MCC: variants seen among roughly 807,000 people sequenced by gnomAD.
MCC encodes colorectal mutant cancer protein.
A neutral mutation model predicts 116.2 loss-of-function variants in MCC; 90 were observed. The ratio of observed to expected loss-of-function variants is 0.77; its 90% confidence interval spans 0.65 to 0.92. The LOEUF (loss-of-function observed/expected upper bound fraction) is 0.92, where lower values mean the gene tolerates loss of function less well. Ranked by LOEUF, MCC falls within the 40% of genes least tolerant of loss-of-function variation. The probability of loss-of-function intolerance (pLI) is 0.00; values close to 1 mark genes in which losing one functional copy is unlikely to be tolerated. For missense variants in MCC, 1,516 were observed against 1,312.2 expected, an observed-to-expected ratio of 1.16 and a Z score of -2.40; for synonymous variants, 578 against 510.5, an observed-to-expected ratio of 1.13 and a Z score of -1.78.
At chr5:113,049,362 G>A in intron 15 of MCC, 63 bp from the exon 16 acceptor site, 2 of 1,394,242 alleles carry the variant, frequency 1.4e-6, no homozygotes, top group South Asian at 2.9e-5. Flanking sequence ...CCTGGCTGCT[G>A]CCAAGTGGGT....
chr5:113,361,215 T>C (rs1768538368), intron 2 of MCC, among the ~76,000 whole-genome samples: 1 of 151,804 alleles, frequency 6.6e-6, no homozygotes, highest in Non-Finnish European at 1.5e-5. Flanking sequence ...ATCTTTTTTT[T>C]ACTTAACATT....
At chr5:113,417,478 C>G (rs1224608810) in intron 1 of MCC, among the ~76,000 whole-genome samples, 1 of 152,182 alleles carries the variant, frequency 6.6e-6, no homozygotes, top group African/African-American at 2.4e-5. Context: ...TCCCTGTGCA[C>G]CAGTGCAGCA....
intron 3 of MCC, among the ~76,000 whole-genome samples, chr5:113,277,361 C>A (rs554890494): frequency 1.8e-5 from 2 of 108,506 alleles, no homozygotes; most frequent in South Asian, 4.9e-4. Flanking sequence ...GAGTGAGACT[C>A]CATCTCAAAA....
intron 2 of MCC, among the ~76,000 whole-genome samples, chr5:113,370,558 G>C (rs1768813433): frequency 6.6e-6 from 1 of 152,190 alleles, no homozygotes; most frequent in African/African-American, 2.4e-5. Context: ...TGAAGGCTCA[G>C]AAAGAAGCCA....
At chr5:113,178,912 C>CA (rs1262063545) in intron 3 of MCC, among the ~76,000 whole-genome samples, 3 of 20,964 alleles carry the variant, frequency 1.4e-4, no homozygotes, top group African/African-American at 3.5e-4. Context: ...TTTATCTTAT[C>CA]AAAAAAAATC....
At chr5:113,058,694 A>G (rs1753003686) in intron 14 of MCC, among the ~76,000 whole-genome samples, 1 of 152,196 alleles carries the variant, frequency 6.6e-6, no homozygotes, top group African/African-American at 2.4e-5. Flanking sequence ...TCCTTGCTTT[A>G]TGGCCCAGAG....
intron 3 of MCC, among the ~76,000 whole-genome samples, chr5:113,283,824 C>T (rs1313699456): frequency 2.0e-5 from 3 of 152,168 alleles, no homozygotes; most frequent in Non-Finnish European, 4.4e-5. Flanking sequence ...GTTTGAACTG[C>T]TAATGTTTGA....
chr5:113,106,887 A>G (rs1335094227), intron 6 of MCC, among the ~76,000 whole-genome samples: 1 of 152,196 alleles, frequency 6.6e-6, no homozygotes, highest in Non-Finnish European at 1.5e-5. Context: ...TCTCAGCTCA[A>G]ATGCTATCTC....
At chr5:113,189,371 A>T (rs1450178355) in intron 3 of MCC, among the ~76,000 whole-genome samples, 1 of 152,224 alleles carries the variant, frequency 6.6e-6, no homozygotes, top group Admixed American at 6.5e-5. Flanking sequence ...TTTTACAGTT[A>T]AACAGAAGAG....
chr5:113,091,720 A>G (rs1023351939), intron 8 of MCC, among the ~76,000 whole-genome samples: 2 of 151,998 alleles, frequency 1.3e-5, no homozygotes, highest in Non-Finnish European at 2.9e-5. Flanking sequence ...TGTCTCTACA[A>G]CAACAACAAC....
At chr5:113,408,064 A>C (rs551432061) in intron 1 of MCC, among the ~76,000 whole-genome samples, 22 of 152,152 alleles carry the variant, frequency 1.4e-4, no homozygotes, top group Non-Finnish European at 2.6e-4. Flanking sequence ...ACATTAACAC[A>C]ATCTCCTGAT....
intron 17 of MCC, among the ~76,000 whole-genome samples, chr5:113,033,992 T>TC (rs1324528536): frequency 6.6e-6 from 1 of 151,324 alleles, no homozygotes; most frequent in East Asian, 1.9e-4. Flanking sequence ...GCTCAAGCAA[T>TC]CCCCTCACCT....
At chr5:113,408,716 A>G (rs10058535) in intron 1 of MCC, among the ~76,000 whole-genome samples, 10,597 of 152,242 alleles carry the variant, frequency 0.07, 780 homozygotes, top group African/African-American at 0.18. Flanking sequence ...GTTGATAACC[A>G]CAAATGTAGA....
intron 6 of MCC, among the ~76,000 whole-genome samples, chr5:113,114,670 T>C (rs1366813235): frequency 6.6e-6 from 1 of 152,066 alleles, no homozygotes; most frequent in Non-Finnish European, 1.5e-5. Flanking sequence ...TGTCAGAAAC[T>C]GTGGTTTGAT....
At chr5:113,383,124 C>T (rs1368719147) in intron 2 of MCC, among the ~76,000 whole-genome samples, 1 of 150,546 alleles carries the variant, frequency 6.6e-6, no homozygotes, top group Non-Finnish European at 1.5e-5. Flanking sequence ...TAAATATCTA[C>T]TACACATAAA....
chr5:113,167,177 G>A (rs959866677), intron 3 of MCC, among the ~76,000 whole-genome samples: 1 of 152,138 alleles, frequency 6.6e-6, no homozygotes, highest in Non-Finnish European at 1.5e-5. Flanking sequence ...AACACACACA[G>A]AACAATTATG....
chr5:113,358,859 G>A (rs530913366), intron 2 of MCC, among the ~76,000 whole-genome samples: 20 of 152,146 alleles, frequency 1.3e-4, no homozygotes, highest in Non-Finnish European at 2.5e-4. Flanking sequence ...TAATGTCAAT[G>A]CTTGGTATGA....
chr5:113,353,993 C>T (rs994139181), intron 2 of MCC, among the ~76,000 whole-genome samples: 6 of 152,114 alleles, frequency 3.9e-5, no homozygotes, highest in African/African-American at 1.4e-4. Context: ...AGCAATTTGC[C>T]AATATAATTC....
intron 3 of MCC, among the ~76,000 whole-genome samples, chr5:113,261,087 A>T (rs1175793776): frequency 6.6e-6 from 1 of 152,200 alleles, no homozygotes; most frequent in Non-Finnish European, 1.5e-5. Context: ...CATCCTGAAC[A>T]ACCCATCCTA....
Sources: allele counts gnomAD v4.1 joint callset (sites outside exome capture counted in the v4.1 genomes callset), GRCh38; gene constraint gnomAD v4.1.1; transcripts MANE v1.5; gene names NCBI Gene and HGNC (gene_info 2026-07-23, HGNC 2026-07-21).